The following MAN1A1 variants were observed in gnomAD, a reference collection of about 807,000 sequenced individuals.
The protein encoded by MAN1A1 is mannosyl-oligosaccharide 1,2-alpha-mannosidase IA.
MAN1A1 carries 29 observed loss-of-function variants against 70.8 expected under a neutral mutation model. That is an observed-to-expected ratio of 0.41 (90% CI 0.31 to 0.56). The LOEUF is 0.56. Among genes scored for constraint, MAN1A1 ranks in the 20% least tolerant of loss-of-function variants. The pLI is 0.29. For synonymous variants in MAN1A1, 349 were observed against 330.1 expected (o/e 1.06, Z -0.62); for missense variants, 747 against 841.3 (o/e 0.89, Z 1.39).
chr6:119,314,681 G>A (rs1172123268), intron 2 of MAN1A1, among the ~76,000 whole-genome samples: 3 of 152,070 alleles, frequency 2.0e-5, no homozygotes, highest in South Asian at 2.1e-4. Context: ...TGCACAGAAG[G>A]CAGCTCTATC....
upstream of MAN1A1, chr6:119,349,893 G>A (rs866155399): frequency 1.6e-4 from 61 of 374,776 alleles, no homozygotes; most frequent in Middle Eastern, 1.3e-3. Context: ...AGGGGGATGC[G>A]CGGGGCGGGG....
chr6:119,239,975 T>C (rs144209116), intron 6 of MAN1A1, among the ~76,000 whole-genome samples: 2 of 152,348 alleles, frequency 1.3e-5, no homozygotes, highest in Non-Finnish European at 2.9e-5. Context: ...TTTGAAAAAC[T>C]TGAGATGAAA....
At chr6:119,299,305 A>G (rs574059453) in intron 4 of MAN1A1, among the ~76,000 whole-genome samples, 10 of 152,238 alleles carry the variant, frequency 6.6e-5, no homozygotes, top group Middle Eastern at 6.9e-3. Flanking sequence ...TTGTTTGGAT[A>G]TTGTTGACAA....
At chr6:119,335,106 G>A (rs1014471454) in intron 2 of MAN1A1, among the ~76,000 whole-genome samples, 1 of 152,168 alleles carries the variant, frequency 6.6e-6, no homozygotes, top group Non-Finnish European at 1.5e-5. Flanking sequence ...GAGAAATTTG[G>A]CAACAACAAC....
At position 119,248,300 on chromosome 6, in the gene MAN1A1, T is replaced by A; in HGVS notation, c.952A>T (p.Thr318Ser). Residue 318 changes from threonine to serine, a missense_variant, in exon 6 of 13, where the codon ACT (threonine) becomes TCT (serine). Thr to Ser is a moderately conservative substitution (Grantham distance 58). This residue lies in a region of MAN1A1 where 419 missense variants were observed against 548.2 expected (regional missense o/e 0.76). Coordinates refer to ENST00000368468, the MANE Select transcript of MAN1A1 (RefSeq NM_005907.4). ...LGVKLLPAFH[T>S]PSGIPWALLN... The stretch of plus-strand genomic sequence containing the variant: ...AATGCCCAAGGTATTCCAGAGGGAG[T>A]ATGAAATGCAGGTAGCAATTTTACC... 1 of 1,613,528 alleles carries A rather than the reference T, an allele frequency of 6.2e-7. No individual in the cohort carries two copies. Among genetic ancestry groups the A allele is most frequent in the East Asian group, 2.2e-5 (1 of 44,862 alleles).
chr6:119,225,264 C>T (rs950489794), intron 6 of MAN1A1, among the ~76,000 whole-genome samples: 2 of 151,964 alleles, frequency 1.3e-5, no homozygotes, highest in Non-Finnish European at 2.9e-5. Context: ...GAGCCAGGTG[C>T]GGTGGCTCAC....
At position 119,180,765 on chromosome 6, in the gene MAN1A1, C is replaced by T. The variant is rs563527305; in HGVS notation, c.1720-338G>A. On this transcript the variant is annotated intron_variant, in intron 11 of 12. Coordinates refer to ENST00000368468, the MANE Select transcript of MAN1A1 (RefSeq NM_005907.4). ...CTGGGCTCAAGCGATCTGCTTGCCTCGGCCTCCCAAAGAGTTGGGATTACA... is the reference window on the plus strand; with the variant it reads ...CTGGGCTCAAGCGATCTGCTTGCCTTGGCCTCCCAAAGAGTTGGGATTACA... 6.1e-5 allele frequency among the ~76,000 whole-genome samples: 9 copies of T among 148,604 alleles called. No individual in the cohort carries two copies. In the East Asian group the frequency reaches 1.2e-3, roughly 20 times the overall value.
intron 5 of MAN1A1, among the ~76,000 whole-genome samples, chr6:119,250,177 A>T (rs890783039): frequency 6.6e-6 from 1 of 152,212 alleles, no homozygotes; most frequent in Admixed American, 6.5e-5. Flanking sequence ...GATTTATCCA[A>T]TCACTGCCCA....
chr6:119,299,305 ATTG>A (rs1562231939), intron 4 of MAN1A1, among the ~76,000 whole-genome samples: 1 of 152,116 alleles, frequency 6.6e-6, no homozygotes, highest in Non-Finnish European at 1.5e-5. Context: ...TTGTTTGGAT[ATTG>A]TTGACAACAT....
At chr6:119,233,306 C>G (rs1258678367) in intron 6 of MAN1A1, among the ~76,000 whole-genome samples, 1 of 152,154 alleles carries the variant, frequency 6.6e-6, no homozygotes, top group African/African-American at 2.4e-5. Flanking sequence ...CACATGAACA[C>G]AGTTTGGCCT....
Position 119,179,861 on chromosome 6 carries a change from G to T in MAN1A1, c.1920C>A (p.Ile640=). The part of the protein sequence containing the change: ...IFNSEAHLLP[I]LPKDKKEVEI... ...CAACTTCCTTTTTATCTTTAGGGAGGATAGGGAGAAGATGTGCCTCGCTAT... is the reference window on the plus strand; with the variant it reads ...CAACTTCCTTTTTATCTTTAGGGAGTATAGGGAGAAGATGTGCCTCGCTAT... The change falls in exon 13 of 13, where the codon ATC becomes ATA. Residue 640 remains isoleucine (I), a synonymous_variant. Coordinates refer to ENST00000368468, the MANE Select transcript of MAN1A1 (RefSeq NM_005907.4). 6.2e-7 allele frequency: 1 copy of T among 1,612,714 alleles called. No individual in the cohort carries two copies. Among genetic ancestry groups the T allele is most frequent in the Non-Finnish European group, 8.5e-7 (1 of 1,178,820 alleles).
Position 119,185,869 on chromosome 6 carries a change from T to G in MAN1A1, c.1719+2536A>C, listed in dbSNP as rs117117472. On this transcript the variant is annotated intron_variant, in intron 11 of 12. Transcript: ENST00000368468. ...GTTTTTTTTTTTTTTTTTTTTTAAA[T>G]ATAAATCTACTAAAAGAACAAGTTG... 3.1e-3 allele frequency among the ~76,000 whole-genome samples: 439 copies of G among 143,338 alleles called. 28 individuals are homozygous for G. The East Asian group carries it at 0.079, about 26-fold the overall frequency. The allele number at this position is 143,338 out of a possible 152,430, so 94.0% of individuals were successfully genotyped here. A position where few individuals can be genotyped will look rare whatever the true frequency, so the allele number is the denominator to read the frequency against.
At chr6:119,244,368 T>A (rs1375570924) in intron 6 of MAN1A1, among the ~76,000 whole-genome samples, 1 of 152,106 alleles carries the variant, frequency 6.6e-6, no homozygotes, top group South Asian at 2.1e-4. Flanking sequence ...GTGTAACTTA[T>A]GCATTCTCAT....
At chr6:119,232,209 A>G (rs1394950656) in intron 6 of MAN1A1, among the ~76,000 whole-genome samples, 3 of 151,756 alleles carry the variant, frequency 2.0e-5, no homozygotes, top group Non-Finnish European at 4.4e-5. Context: ...CGTCTCTACT[A>G]AAAAATGCAA....
chr6:119,265,524 T>C (rs568025855), intron 5 of MAN1A1, among the ~76,000 whole-genome samples: 1 of 152,296 alleles, frequency 6.6e-6, no homozygotes, highest in South Asian at 2.1e-4. Flanking sequence ...ATAAAAATTT[T>C]AAATAAATAA....
chr6:119,193,923 G>A, intron 8 of MAN1A1, 31 bp from the exon 9 acceptor site: 3 of 1,422,956 alleles, frequency 2.1e-6, no homozygotes, highest in Non-Finnish European at 3.0e-6. Context: ...ATTTTAGAGT[G>A]ATTCAGCTTT....
chr6:119,233,715 T>C (rs1262357391), intron 6 of MAN1A1, among the ~76,000 whole-genome samples: 1 of 152,152 alleles, frequency 6.6e-6, no homozygotes, highest in Admixed American at 6.5e-5. Context: ...CTCCCATCCC[T>C]TGGTGCTTCT....
intron 6 of MAN1A1, among the ~76,000 whole-genome samples, chr6:119,211,926 C>T (rs1774064244): frequency 6.6e-6 from 1 of 151,410 alleles, no homozygotes; most frequent in Non-Finnish European, 1.5e-5. Flanking sequence ...ACTGCAACCT[C>T]CACCTCCCAG....
intron 5 of MAN1A1, among the ~76,000 whole-genome samples, chr6:119,264,026 G>C (rs545869263): frequency 1.7e-3 from 262 of 152,280 alleles, no homozygotes; most frequent in African/African-American, 6.0e-3. Context: ...CAAATCATGA[G>C]GTCTATTTTT....
Sources: allele counts gnomAD v4.1 joint callset (sites outside exome capture counted in the v4.1 genomes callset), GRCh38; gene constraint gnomAD v4.1.1; regional missense constraint gnomAD v4.1.1; transcripts MANE v1.5; gene names NCBI Gene and HGNC (gene_info 2026-07-23, HGNC 2026-07-21).